ARID3A: variants seen among roughly 807,000 people sequenced by gnomAD.
The protein encoded by ARID3A is AT-rich interaction domain 3A, also known as AT-rich interactive domain-containing protein 3A.
ARID3A carries 11 observed loss-of-function variants against 52.7 expected under a neutral mutation model. The ratio of observed to expected loss-of-function variants is 0.21; its 90% CI spans 0.13 to 0.35. ARID3A has a LOEUF of 0.35. Among genes scored for constraint, ARID3A ranks in the 10% least tolerant of loss-of-function variants. The pLI is 1.00. For missense variants in ARID3A, 721 were observed against 838.5 expected (o/e 0.86, Z 1.73); for synonymous variants, 404 against 359.4 (o/e 1.12, Z -1.40).
rs1206391866 is a variant in ARID3A at position 972,613 on chromosome 19, T to A, written c.*548T>A. ...CAAGATCACTGAATTTTTGTTTTTTTCTTGTTGCTTTGGGAAATTTTTTTT... is the reference window on the plus strand; with the variant it reads ...CAAGATCACTGAATTTTTGTTTTTTACTTGTTGCTTTGGGAAATTTTTTTT... On this transcript the variant is annotated 3_prime_UTR_variant, in exon 9 of 9. Transcript: ENST00000263620. The A allele has an allele frequency of 4.5e-6, 1 of 222,866 alleles. No individual in the cohort carries two copies. The highest frequency in any genetic ancestry group is 9.0e-6 in the Non-Finnish European group (1 of 111,378). The allele number at this position is 222,866 out of a possible 1,614,324, so 13.8% of individuals were successfully genotyped here.
intron 7 of ARID3A, among the ~76,000 whole-genome samples, chr19:967,409 G>A (rs1357444628): frequency 1.3e-5 from 2 of 151,896 alleles, no homozygotes; most frequent in African/African-American, 2.4e-5. Flanking sequence ...CTCTACAAAA[G>A]TTAGCTGGGC....
chr19:974,398 G>A lies in ARID3A; in HGVS notation c.*2333G>A, dbSNP rs1023836655. On this transcript the variant is annotated 3_prime_UTR_variant, in exon 9 of 9. Coordinates refer to ENST00000263620, the MANE Select transcript of ARID3A (RefSeq NM_005224.3). ...TGTCTGTTTGCCTCCAGACACAATC[G>A]GGCCCCACTCGCAGAACCACCTGGA... 16 of 230,066 alleles carry A rather than the reference G, an allele frequency of 7.0e-5. No individual in the cohort carries two copies. Among genetic ancestry groups the A allele is most frequent in the Admixed American group, 1.1e-4 (2 of 17,676 alleles). The allele number at this position is 230,066 out of a possible 1,614,324, so 14.3% of individuals were successfully genotyped here. A position where few individuals can be genotyped will look rare whatever the true frequency, so the allele number is the denominator to read the frequency against.
intron 2 of ARID3A, among the ~76,000 whole-genome samples, chr19:931,769 C>G (rs1348243197): frequency 1.3e-5 from 2 of 149,794 alleles, no homozygotes; most frequent in Non-Finnish European, 3.0e-5. Context: ...GCCGAGATTG[C>G]GCCGTTGCAC....
chr19:930,605 G>A (rs969401957), intron 2 of ARID3A, among the ~76,000 whole-genome samples: 4 of 149,772 alleles, frequency 2.7e-5, no homozygotes, highest in Admixed American at 2.0e-4. Flanking sequence ...CTCCTCCCGG[G>A]TTCACACCAT....
rs2038028269 is a variant in ARID3A, at chr19:960,975, G to C, written c.766+811G>C. On this transcript the variant is annotated intron_variant, in intron 4 of 8. Transcript: ENST00000263620. The surrounding 1 kb of genome is among the most constrained non-coding windows in gnomAD (Gnocchi z 4.3). ...CCCCACCCCAGCTTAGAGTGACCAC[G>C]GGGCAGAGAGAGTGCGGCAAGGGCT... Among the ~76,000 whole-genome samples, 1 of 152,056 alleles carries C rather than the reference G, an allele frequency of 6.6e-6. No individual in the cohort carries two copies. Among genetic ancestry groups the C allele is most frequent in the African/African-American group, 2.4e-5 (1 of 41,382 alleles).
chr19:966,252 G>T (rs141117423), intron 6 of ARID3A, among the ~76,000 whole-genome samples: 2,226 of 151,526 alleles, frequency 0.015, 53 homozygotes, highest in African/African-American at 0.051. Context: ...CTGAGGTCAG[G>T]AGTTCAAGAC....
chr19:961,395 G>A (rs1025448864), intron 4 of ARID3A, among the ~76,000 whole-genome samples: 6 of 152,234 alleles, frequency 3.9e-5, no homozygotes, highest in Non-Finnish European at 5.9e-5. Context: ...TCCAGACCCG[G>A]GACCTGGGCG....
In ARID3A at chr19:933,130, G is replaced by A. The variant is rs78579928; in HGVS notation, c.693+388G>A. Among the ~76,000 whole-genome samples the A allele has an allele frequency of 5.1e-4, 78 of 152,308 alleles. 1 individual carries two copies. In the East Asian group the frequency reaches 0.012, roughly 24 times the overall value. On this transcript the variant is annotated intron_variant, in intron 3 of 8. Transcript: ENST00000263620. ...GCAGAGAGGCCGGGGCCTTGGTGAC[G>A]TGGTGACTTGGCCTCCTCTGTCCCC...
At chr19:935,887 T>C (rs35240876) in intron 3 of ARID3A, among the ~76,000 whole-genome samples, 16,431 of 152,208 alleles carry the variant, frequency 0.11, 1,122 homozygotes, top group African/African-American at 0.19. Flanking sequence ...ACCTCCCGGG[T>C]TCACGCCATT....
chr19:953,250 C>T (rs1276588115), intron 3 of ARID3A, among the ~76,000 whole-genome samples: 1 of 152,174 alleles, frequency 6.6e-6, no homozygotes, highest in Non-Finnish European at 1.5e-5. Context: ...TGTCGTTTCT[C>T]TGGGAGGTGG....
intron 3 of ARID3A, among the ~76,000 whole-genome samples, chr19:946,071 C>T (rs914746686): frequency 1.3e-5 from 2 of 152,048 alleles, no homozygotes; most frequent in Admixed American, 6.6e-5. Context: ...GAGGCAGGGG[C>T]CCGGCGTCCA....
At chr19:934,634 G>A (rs2037402032) in intron 3 of ARID3A, among the ~76,000 whole-genome samples, 2 of 152,282 alleles carry the variant, frequency 1.3e-5, no homozygotes, top group South Asian at 4.1e-4. Context: ...CCCTGAGGTG[G>A]ACTAAAGCTC....
chr19:968,132 G>C (rs1166277126), intron 7 of ARID3A, among the ~76,000 whole-genome samples: 2 of 151,404 alleles, frequency 1.3e-5, no homozygotes, highest in African/African-American at 4.9e-5. Context: ...AGGCCGAGGC[G>C]GGTGGATCAC....
At chr19:957,535 G>A (rs144294519) in intron 3 of ARID3A, among the ~76,000 whole-genome samples, 74 of 152,320 alleles carry the variant, frequency 4.9e-4, no homozygotes, top group Non-Finnish European at 9.3e-4. Flanking sequence ...CTGTCCTAGG[G>A]TAAATTGTGT....
rs2037712249 is a variant in ARID3A, at chr19:947,538, C to T, written c.694-12554C>T. Among the ~76,000 whole-genome samples, 1 of 152,148 alleles carries T rather than the reference C, an allele frequency of 6.6e-6. No individual in the cohort carries two copies. The highest frequency in any genetic ancestry group is 2.1e-4 in the South Asian group (1 of 4,820). ...CCCCCATCCATGTCTCAGCCCCCACCCAGATGCCCCGGGACCGTTTCACAG... is the reference window on the plus strand; with the variant it reads ...CCCCCATCCATGTCTCAGCCCCCACTCAGATGCCCCGGGACCGTTTCACAG... On this transcript the variant is annotated intron_variant, in intron 3 of 8. Transcript: ENST00000263620. The surrounding 1 kb of genome is among the most constrained non-coding windows in gnomAD (Gnocchi z 6.3).
chr19:940,309 CA>C (rs985317564), intron 3 of ARID3A, among the ~76,000 whole-genome samples: 10 of 151,936 alleles, frequency 6.6e-5, no homozygotes, highest in Non-Finnish European at 1.3e-4. Context: ...AAAAAAATTG[CA>C]AAAAAACTCT....
rs113374798 is a variant in ARID3A at position 928,031 on chromosome 19, C to G, written c.-267-1231C>G. On this transcript the variant is annotated intron_variant, in intron 1 of 8. Coordinates refer to ENST00000263620, the MANE Select transcript of ARID3A (RefSeq NM_005224.3). Reference sequence around the variant, plus strand: ...GGGGTGTCTGCTGTGCAACACTGACCTGGGTGGGGTCGGGTCACAGGAGGG... The same window carrying G: ...GGGGTGTCTGCTGTGCAACACTGACGTGGGTGGGGTCGGGTCACAGGAGGG... Among the ~76,000 whole-genome samples, 394 of 152,124 alleles carry G rather than the reference C, an allele frequency of 2.6e-3. 3 individuals carry two copies. Among genetic ancestry groups the G allele is most frequent in the African/African-American group, 9.0e-3 (375 of 41,504 alleles).
chr19:929,487 G>A lies in ARID3A; in HGVS notation c.-42G>A, dbSNP rs2037270975. ...GCCGCCCACCCCTAGCGCCCGTGGT[G>A]GTGGTGGTGGTGGTGGTGGTGGTGG... On this transcript the variant is annotated 5_prime_UTR_variant, in exon 2 of 9. Coordinates refer to ENST00000263620, the MANE Select transcript of ARID3A (RefSeq NM_005224.3). The surrounding 1 kb of genome is among the most constrained non-coding windows in gnomAD (Gnocchi z 6.2). The A allele has an allele frequency of 6.9e-7, 1 of 1,455,090 alleles. No individual in the cohort carries two copies. Among genetic ancestry groups the A allele is most frequent in the Non-Finnish European group, 9.1e-7 (1 of 1,101,266 alleles). 90.1% of individuals were successfully genotyped at this position (1,455,090 alleles called of 1,614,324 possible).
chr19:969,069 C>T (rs2038223083), intron 8 of ARID3A, among the ~76,000 whole-genome samples: 1 of 150,536 alleles, frequency 6.6e-6, no homozygotes, highest in African/African-American at 2.4e-5. Context: ...GGCCACAGAC[C>T]GAGACCCTGT....
Sources: gnomAD v4.1 joint callset for allele counts (sites outside exome capture counted in the v4.1 genomes callset) on GRCh38, gnomAD v4.1.1 for gene constraint, Gnocchi (gnomAD v3.1) non-coding constraint, MANE v1.5 for transcripts, NCBI Gene and HGNC (gene_info 2026-07-23, HGNC 2026-07-21) for gene names.